INVS: variants seen among roughly 807,000 people sequenced by gnomAD.
INVS encodes the protein inversion of embryo turning homolog.
INVS carries 86 observed loss-of-function variants against 108.8 expected under a neutral mutation model. The ratio of observed to expected loss-of-function variants is 0.79; its 90% confidence interval spans 0.66 to 0.95. The LOEUF (loss-of-function observed/expected upper bound fraction) is 0.95. Ranked by LOEUF, INVS falls within the 40% of genes least tolerant of loss-of-function variation. The pLI is 0.00. For synonymous variants in INVS, 455 were observed against 473.5 expected, an observed-to-expected ratio of 0.96 and a Z score of 0.51; for missense variants, 1,169 against 1,297.4, an observed-to-expected ratio of 0.90 and a Z score of 1.52.
intron 3 of INVS, among the ~76,000 whole-genome samples, chr9:100,219,507 A>C (rs1214682074): frequency 2.6e-5 from 4 of 152,166 alleles, no homozygotes; most frequent in Admixed American, 2.6e-4. Flanking sequence ...GACAAAACCC[A>C]GTGTGGTGAG....
intron 3 of INVS, among the ~76,000 whole-genome samples, chr9:100,141,971 G>A (rs1237773731): frequency 1.3e-5 from 2 of 152,180 alleles, no homozygotes; most frequent in African/African-American, 2.4e-5. Flanking sequence ...AGTTTCAGTG[G>A]GGGAGTAGGT....
chr9:100,188,971 C>T (rs779724598), intron 3 of INVS, among the ~76,000 whole-genome samples: 7 of 151,928 alleles, frequency 4.6e-5, no homozygotes, highest in Non-Finnish European at 8.8e-5. Context: ...AGATTTCCTA[C>T]TTTGTGTGCA....
chr9:100,144,004 T>C (rs1018412859), intron 3 of INVS, among the ~76,000 whole-genome samples: 2 of 152,100 alleles, frequency 1.3e-5, no homozygotes, highest in South Asian at 4.2e-4. Flanking sequence ...TCAGAGAGCC[T>C]TGGGCCAGAG....
chr9:100,181,762 C>A (rs1438146430), intron 3 of INVS, among the ~76,000 whole-genome samples: 1 of 152,126 alleles, frequency 6.6e-6, no homozygotes, highest in Non-Finnish European at 1.5e-5. Flanking sequence ...TTAGAAAAAA[C>A]TACTTTAAAT....
At chr9:100,193,155 T>A (rs909470068) in intron 3 of INVS, among the ~76,000 whole-genome samples, 1 of 152,126 alleles carries the variant, frequency 6.6e-6, no homozygotes, top group Middle Eastern at 3.4e-3. Flanking sequence ...TTTTTAAAAT[T>A]TTTTTGTAGA....
rs1040006869 is a variant in INVS, at chr9:100,242,432, C to T, written c.797-138C>T. ...GTTAGTGAGAAGTTAGAAGAGGCTG[C>T]ATTGGGGGCTGCTGTTCAGAAACCG... On this transcript the variant is annotated intron_variant, in intron 6 of 16. Transcript: ENST00000262457. The T allele has an allele frequency of 2.6e-5, 16 of 625,138 alleles. No homozygotes were observed. In the South Asian group the frequency reaches 2.9e-4, roughly 11 times the overall value. 38.7% of individuals were successfully genotyped at this position (625,138 alleles called of 1,614,324 possible). A position where few individuals can be genotyped will look rare whatever the true frequency, so the allele number is the denominator to read the frequency against.
intron 11 of INVS, among the ~76,000 whole-genome samples, chr9:100,265,973 G>A (rs1010649313): frequency 1.3e-5 from 2 of 152,194 alleles, no homozygotes; most frequent in African/African-American, 4.8e-5. Context: ...CAACTACTCA[G>A]GAGGCTGAAG....
chr9:100,174,890 C>T (rs183221720), intron 3 of INVS, among the ~76,000 whole-genome samples: 8 of 152,046 alleles, frequency 5.3e-5, no homozygotes, highest in Non-Finnish European at 7.4e-5. Context: ...CCAGCCTGGG[C>T]GACAGAGTGA....
At chr9:100,249,783 C>T (rs1474177146) in intron 8 of INVS, among the ~76,000 whole-genome samples, 2 of 151,572 alleles carry the variant, frequency 1.3e-5, no homozygotes, top group South Asian at 2.1e-4. Flanking sequence ...CATGAGCCAC[C>T]GCGCCTGGCC....
chr9:100,154,576 CATT>C (rs1828912882), intron 3 of INVS, among the ~76,000 whole-genome samples: 1 of 151,700 alleles, frequency 6.6e-6, no homozygotes, highest in Admixed American at 6.6e-5. Flanking sequence ...TTTTATATAA[CATT>C]ATAAAATGAT....
chr9:100,271,994 G>T (rs1832972135), intron 11 of INVS, among the ~76,000 whole-genome samples: 3 of 151,768 alleles, frequency 2.0e-5, no homozygotes, highest in African/African-American at 7.3e-5. Flanking sequence ...TTAGCCTTCT[G>T]AGTAGCTGGG....
chr9:100,245,990 C>A (rs1256548021), intron 7 of INVS, among the ~76,000 whole-genome samples: 1 of 151,852 alleles, frequency 6.6e-6, no homozygotes, highest in Non-Finnish European at 1.5e-5. Context: ...CATGGTAAAA[C>A]CCCATCTCTA....
At chr9:100,119,587 C>T (rs1197069687) in intron 2 of INVS, among the ~76,000 whole-genome samples, 1 of 152,178 alleles carries the variant, frequency 6.6e-6, no homozygotes, top group African/African-American at 2.4e-5. Context: ...GACAGAGTCT[C>T]ACTCTGTCAC....
At chr9:100,293,650 G>C (rs1833696989) in intron 14 of INVS, among the ~76,000 whole-genome samples, 1 of 152,164 alleles carries the variant, frequency 6.6e-6, no homozygotes, top group Admixed American at 6.5e-5. Flanking sequence ...GTAGGCACTG[G>C]GAGTGGGGGT....
At chr9:100,127,925 A>G (rs901932965) in intron 3 of INVS, among the ~76,000 whole-genome samples, 3 of 152,162 alleles carry the variant, frequency 2.0e-5, no homozygotes, top group African/African-American at 7.2e-5. Context: ...TGTTATCATA[A>G]AAAAGCAAAT....
rs1318356042 is a variant in INVS at position 100,183,747 on chromosome 9, C to T, written c.274-42315C>T. On this transcript the variant is annotated intron_variant, in intron 3 of 16. Transcript: ENST00000262457. ...CAGAGGTTGCAGTGAGCCGAGATCG[C>T]GCCACTGTACTCCAGCCTGGGCAAC... Among the ~76,000 whole-genome samples, 5 of 142,068 alleles carry T rather than the reference C, an allele frequency of 3.5e-5. No individual in the cohort carries two copies. The East Asian group carries it at 8.3e-4, about 24-fold the overall frequency. 93.2% of individuals were successfully genotyped at this position (142,068 alleles called of 152,430 possible).
chr9:100,234,169 T>C (rs1187336502), intron 5 of INVS, among the ~76,000 whole-genome samples: 2 of 152,238 alleles, frequency 1.3e-5, no homozygotes, highest in African/African-American at 4.8e-5. Context: ...GAAGTGTTTA[T>C]AGTATTCTCT....
At chr9:100,206,134 T>C (rs1830669755) in intron 3 of INVS, among the ~76,000 whole-genome samples, 1 of 152,150 alleles carries the variant, frequency 6.6e-6, no homozygotes, top group African/African-American at 2.4e-5. Context: ...ACAAGAATAC[T>C]GTGAATATTA....
chr9:100,287,477 C>T (rs893776755), intron 13 of INVS, among the ~76,000 whole-genome samples: 7 of 152,206 alleles, frequency 4.6e-5, no homozygotes. Flanking sequence ...TATTCACATT[C>T]CTCCCACATG....
Sources: gnomAD v4.1 joint callset for allele counts (sites outside exome capture counted in the v4.1 genomes callset) on GRCh38, gnomAD v4.1.1 for gene constraint, MANE v1.5 for transcripts, NCBI Gene and HGNC (gene_info 2026-07-23, HGNC 2026-07-21) for gene names.